The following DNAAF4 variants were observed in gnomAD, a reference collection of about 807,000 sequenced individuals.
The protein encoded by DNAAF4 is dynein assembly factor 4, axonemal.
DNAAF4 carries 43 observed loss-of-function variants against 51.8 expected under a neutral mutation model. The ratio of observed to expected loss-of-function variants is 0.83; its 90% CI spans 0.65 to 1.07. DNAAF4 has a LOEUF of 1.07. DNAAF4 is among the 50% of genes least tolerant of loss of function. DNAAF4 has a pLI of 0.00. For synonymous variants in DNAAF4, 194 were observed against 165.6 expected (o/e 1.17, Z -1.32); for missense variants, 581 against 493.0 (o/e 1.18, Z -1.69).
chr15:55,469,360 A>G (rs111456178), intron 4 of DNAAF4, among the ~76,000 whole-genome samples: 122 of 152,008 alleles, frequency 8.0e-4, no homozygotes, highest in African/African-American at 2.8e-3. Flanking sequence ...AAGAAAAAGA[A>G]AAACAGAGTG....
intron 1 of DNAAF4, among the ~76,000 whole-genome samples, chr15:55,506,944 G>A (rs1045067436): frequency 1.3e-5 from 2 of 152,070 alleles, no homozygotes; most frequent in Admixed American, 6.5e-5. Context: ...CTGCCTCCCA[G>A]GTTCAAGCGA....
intron 6 of DNAAF4, chr15:55,443,182 C>T: frequency 1.2e-6 from 2 of 1,609,862 alleles, no homozygotes; most frequent in South Asian, 1.1e-5. Context: ...AAAGAGCAGT[C>T]TTAGGTCCTT....
Position 55,491,133 on chromosome 15 carries a change from A to G in DNAAF4, c.395T>C (p.Val132Ala). The G allele has an allele frequency of 1.2e-6, 2 of 1,613,942 alleles. No homozygotes were observed. Among genetic ancestry groups the G allele is most frequent in the Non-Finnish European group, 1.7e-6 (2 of 1,180,002 alleles). Residue 132 changes from valine to alanine, a missense_variant, in exon 4 of 10, where the codon GTC becomes GCC. Coordinates refer to ENST00000321149, the MANE Select transcript of DNAAF4 (RefSeq NM_130810.4). Reference protein sequence around the residue: ...KREDQKYALSVMMKIEEEERK... With the variant: ...KREDQKYALSAMMKIEEEERK... The stretch of plus-strand genomic sequence containing the variant: ...CATTCTGCAACTTACCTTCATCATG[A>G]CACTTAGTGCGTATTTTTGATCTTC...
At chr15:55,494,488 T>G (rs1354478074) in intron 3 of DNAAF4, among the ~76,000 whole-genome samples, 1 of 151,840 alleles carries the variant, frequency 6.6e-6, no homozygotes, top group East Asian at 1.9e-4. Context: ...CTCAGCTCGC[T>G]GCAACCTCCA....
At chr15:55,433,819 ATTAT>A (rs2057539884) in intron 8 of DNAAF4, among the ~76,000 whole-genome samples, 1 of 83,964 alleles carries the variant, frequency 1.2e-5, no homozygotes, top group African/African-American at 4.6e-5. Flanking sequence ...TATAATATAT[ATTAT>A]ATATATTACA....
At chr15:55,492,005 T>G (rs1337605517) in intron 3 of DNAAF4, among the ~76,000 whole-genome samples, 1 of 150,578 alleles carries the variant, frequency 6.6e-6, no homozygotes, top group Admixed American at 6.7e-5. Context: ...TACAGGTGTG[T>G]GCCAACACAT....
chr15:55,474,174 T>A (rs1254397020), intron 4 of DNAAF4, among the ~76,000 whole-genome samples: 1 of 152,108 alleles, frequency 6.6e-6, no homozygotes, highest in African/African-American at 2.4e-5. Context: ...CAAATAATAG[T>A]ACACTACTTA....
At chr15:55,440,972 T>C (rs1015890411) in intron 6 of DNAAF4, among the ~76,000 whole-genome samples, 3 of 151,864 alleles carry the variant, frequency 2.0e-5, no homozygotes, top group Non-Finnish European at 4.4e-5. Flanking sequence ...TGAGCCACCG[T>C]GCCCGTCCTT....
In DNAAF4 at chr15:55,498,579, T is replaced by G; in HGVS notation, c.-250A>C. On this transcript the variant is annotated 5_prime_UTR_variant, in exon 2 of 10. It removes an upstream start codon present in the reference 5' UTR. Coordinates refer to ENST00000321149, the MANE Select transcript of DNAAF4 (RefSeq NM_130810.4). The stretch of plus-strand genomic sequence containing the variant: ...GCGAATGTTCAAAGAAGTAGACCCA[T>G]ACCCTCTGCTTGAGAAAAAAAAAAA... 6.9e-6 allele frequency: 1 copy of G among 143,994 alleles called. No homozygotes were observed. Among genetic ancestry groups the G allele is most frequent in the South Asian group, 2.2e-4 (1 of 4,596 alleles). 8.9% of individuals were successfully genotyped at this position (143,994 alleles called of 1,614,324 possible). A position where few individuals can be genotyped will look rare whatever the true frequency, so the allele number is the denominator to read the frequency against.
Position 55,417,900 on chromosome 15 carries a change from T to A in DNAAF4, c.*135A>T, listed in dbSNP as rs28501338. 1,631 of 447,058 alleles carry A rather than the reference T, an allele frequency of 3.6e-3. 27 individuals carry two copies. Among genetic ancestry groups the A allele is most frequent in the African/African-American group, 0.03 (1,490 of 49,202 alleles). The allele number at this position is 447,058 out of a possible 1,614,324, so 27.7% of individuals were successfully genotyped here. A position where few individuals can be genotyped will look rare whatever the true frequency, so the allele number is the denominator to read the frequency against. On this transcript the variant is annotated 3_prime_UTR_variant, in exon 8 of 8. Transcript: ENST00000448430. ...ATTACAGTCAAAGGGGGTTATTCTG[T>A]GGCGGGCAGGGGCAGGGGTCACAAG...
intron 3 of DNAAF4, 103 bp from the exon 4 acceptor site, chr15:55,491,359 C>T: frequency 1.7e-6 from 2 of 1,181,938 alleles, no homozygotes; most frequent in Non-Finnish European, 2.3e-6. Context: ...TTCTTTGTAC[C>T]CAACTTCACA....
chr15:55,485,872 G>A (rs1273992888), intron 4 of DNAAF4, among the ~76,000 whole-genome samples: 1 of 151,494 alleles, frequency 6.6e-6, no homozygotes, highest in African/African-American at 2.4e-5. Flanking sequence ...GCGGGCACCT[G>A]TAGTCGCAGC....
intron 4 of DNAAF4, among the ~76,000 whole-genome samples, chr15:55,475,219 A>G (rs576968949): frequency 4.4e-4 from 67 of 152,342 alleles, no homozygotes; most frequent in African/African-American, 1.5e-3. Flanking sequence ...TTCATCTGCA[A>G]AGACAACATG....
At chr15:55,486,277 T>C (rs187636360) in intron 4 of DNAAF4, among the ~76,000 whole-genome samples, 1 of 150,020 alleles carries the variant, frequency 6.7e-6, no homozygotes, top group East Asian at 2.1e-4. Context: ...CACTGCAACC[T>C]CCGCTTCCTG....
chr15:55,458,638 C>A (rs997966627), intron 5 of DNAAF4, among the ~76,000 whole-genome samples: 14 of 152,184 alleles, frequency 9.2e-5, no homozygotes, highest in African/African-American at 3.4e-4. Context: ...TCAAGAAAAA[C>A]TTCCATGGTC....
At chr15:55,451,644 A>G (rs1426453737) in intron 5 of DNAAF4, among the ~76,000 whole-genome samples, 1 of 148,940 alleles carries the variant, frequency 6.7e-6, no homozygotes, top group Non-Finnish European at 1.5e-5. Flanking sequence ...AGACAGGGTT[A>G]TTACCGTCAC....
At chr15:55,483,763 G>A (rs1025681773) in intron 4 of DNAAF4, among the ~76,000 whole-genome samples, 1 of 137,882 alleles carries the variant, frequency 7.3e-6, no homozygotes, top group Non-Finnish European at 1.5e-5. Context: ...CTGACCTCAA[G>A]CAGTCCACCT....
chr15:55,490,770 G>A (rs1362499054), intron 4 of DNAAF4, among the ~76,000 whole-genome samples: 3 of 152,132 alleles, frequency 2.0e-5, no homozygotes, highest in East Asian at 1.9e-4. Flanking sequence ...CGGCTAACAC[G>A]GTGAAACCCT....
intron 4 of DNAAF4, among the ~76,000 whole-genome samples, chr15:55,471,258 C>T (rs1259721446): frequency 2.0e-5 from 3 of 152,098 alleles, no homozygotes; most frequent in Admixed American, 1.3e-4. Context: ...TTTCTGGTGG[C>T]CAGCCACCAC....
Sources: allele counts gnomAD v4.1 joint callset (sites outside exome capture counted in the v4.1 genomes callset), GRCh38; gene constraint gnomAD v4.1.1; transcripts MANE v1.5; gene names NCBI Gene and HGNC (gene_info 2026-07-23, HGNC 2026-07-21).